Variants in C7orf78 observed in about 807,000 individuals in gnomAD.
C7orf78 encodes the protein putative uncharacterized protein C7orf78.
the C7orf78 span, chr7:12,523,232 AGG>A: frequency 2.6e-6 from 1 of 388,482 alleles, no homozygotes; most frequent in Non-Finnish European, 4.5e-6. Context: ...AGAAAAAAGG[AGG>A]AAAAAAATCA....
the C7orf78 span, among the ~76,000 whole-genome samples, chr7:12,537,946 T>G: frequency 6.6e-6 from 1 of 152,162 alleles, no homozygotes; most frequent in African/African-American, 2.4e-5. Flanking sequence ...TGCATTATTA[T>G]TCCATTTATA....
At chr7:12,531,145 A>G in the C7orf78 span, 1 of 398,054 alleles carries the variant, frequency 2.5e-6, no homozygotes, top group Non-Finnish European at 4.4e-6. Context: ...ACTCTTTAAC[A>G]TTACTACTCA....
the C7orf78 span, among the ~76,000 whole-genome samples, chr7:12,520,344 T>C: frequency 6.6e-6 from 1 of 152,244 alleles, no homozygotes; most frequent in Non-Finnish European, 1.5e-5. Context: ...ACATTCAAGA[T>C]ATTTCTAATT....
At chr7:12,535,067 G>A in the C7orf78 span, among the ~76,000 whole-genome samples, 1 of 152,078 alleles carries the variant, frequency 6.6e-6, no homozygotes, top group Non-Finnish European at 1.5e-5. Flanking sequence ...ACATGAAAAT[G>A]TGTTCATCTT....
chr7:12,487,948 T>A, the C7orf78 span, among the ~76,000 whole-genome samples: 1 of 152,010 alleles, frequency 6.6e-6, no homozygotes, highest in Admixed American at 6.6e-5. Flanking sequence ...TATTCCAATT[T>A]GCCAACTAAT....
chr7:12,521,378 G>T, the C7orf78 span, among the ~76,000 whole-genome samples: 1 of 151,312 alleles, frequency 6.6e-6, no homozygotes, highest in Admixed American at 6.6e-5. Context: ...TTTCATTTGT[G>T]TATCTACTGT....
At chr7:12,499,686 A>G in the C7orf78 span, among the ~76,000 whole-genome samples, 1 of 151,918 alleles carries the variant, frequency 6.6e-6, no homozygotes, top group Non-Finnish European at 1.5e-5. Flanking sequence ...CAGAAAGTCA[A>G]CAAGGATACC....
chr7:12,503,517 A>T, the C7orf78 span, among the ~76,000 whole-genome samples: 5 of 152,170 alleles, frequency 3.3e-5, no homozygotes, highest in East Asian at 9.6e-4. Flanking sequence ...AAATAAGATT[A>T]GCCATAAAAG....
At chr7:12,494,495 C>A in the C7orf78 span, among the ~76,000 whole-genome samples, 2 of 152,150 alleles carry the variant, frequency 1.3e-5, no homozygotes, top group Non-Finnish European at 2.9e-5. Context: ...AATTAACAAG[C>A]AAGCTCTGAA....
the C7orf78 span, among the ~76,000 whole-genome samples, chr7:12,495,890 T>G: frequency 6.6e-6 from 1 of 152,198 alleles, no homozygotes; most frequent in Admixed American, 6.5e-5. Flanking sequence ...CACAACTTGT[T>G]GCGTTCCCAA....
At chr7:12,487,228 T>C in the C7orf78 span, among the ~76,000 whole-genome samples, 27,675 of 152,012 alleles carry the variant, frequency 0.18, 2,942 homozygotes, top group Middle Eastern at 0.26. Context: ...TGTATTTGGA[T>C]TTTTCATCCA....
At chr7:12,511,426 A>T in the C7orf78 span, among the ~76,000 whole-genome samples, 1 of 152,178 alleles carries the variant, frequency 6.6e-6, no homozygotes, top group Non-Finnish European at 1.5e-5. Flanking sequence ...CATTGGTATT[A>T]TGATAGGGAT....
the C7orf78 span, among the ~76,000 whole-genome samples, chr7:12,498,865 A>G: frequency 7.9e-5 from 12 of 151,436 alleles, no homozygotes; most frequent in Admixed American, 4.0e-4. Context: ...AGGGAAGCCC[A>G]TCAGACTAAC....
chr7:12,537,543 T>C, the C7orf78 span, among the ~76,000 whole-genome samples: 3 of 152,192 alleles, frequency 2.0e-5, no homozygotes, highest in African/African-American at 7.2e-5. Flanking sequence ...ACAAGTACTT[T>C]GGAAAAATAT....
chr7:12,536,780 G>T, the C7orf78 span, among the ~76,000 whole-genome samples: 1 of 152,062 alleles, frequency 6.6e-6, no homozygotes, highest in African/African-American at 2.4e-5. Context: ...TCTCTCTCAA[G>T]TTCAAAGTTC....
chr7:12,508,799 T>A, the C7orf78 span, among the ~76,000 whole-genome samples: 1 of 151,998 alleles, frequency 6.6e-6, no homozygotes, highest in Non-Finnish European at 1.5e-5. Context: ...GGCATTAGAG[T>A]CTTATAGGAG....
At chr7:12,518,225 TAGGTC>T in the C7orf78 span, among the ~76,000 whole-genome samples, 1 of 152,184 alleles carries the variant, frequency 6.6e-6, no homozygotes, top group Non-Finnish European at 1.5e-5. Flanking sequence ...GGATTGCAGG[TAGGTC>T]AGTCTTCAGG....
chr7:12,486,883 TAAA>T, the C7orf78 span: 7 of 150,762 alleles, frequency 4.6e-5, no homozygotes, highest in African/African-American at 1.7e-4. Flanking sequence ...AATAAACTGA[TAAA>T]TTATTGTCAA....
the C7orf78 span, among the ~76,000 whole-genome samples, chr7:12,510,720 G>T: frequency 6.6e-6 from 1 of 151,970 alleles, no homozygotes; most frequent in Non-Finnish European, 1.5e-5. Flanking sequence ...CTTGTGCTTT[G>T]TCCACTTTTT....
Sources: gnomAD v4.1 joint callset for allele counts (sites outside exome capture counted in the v4.1 genomes callset) on GRCh38, gnomAD v4.1.1 for gene constraint, MANE v1.5 for transcripts, NCBI Gene and HGNC (gene_info 2026-07-23, HGNC 2026-07-21) for gene names.